The following GJC1 variants were observed in gnomAD, a reference collection of about 807,000 sequenced individuals.
The protein encoded by GJC1 is gap junction gamma-1 protein.
In GJC1, 5 loss-of-function variants were observed where a neutral mutation model predicts 29.3. The ratio of observed to expected loss-of-function variants is 0.17; its 90% confidence interval spans 0.09 to 0.36. The LOEUF (loss-of-function observed/expected upper bound fraction) is 0.36, where lower values mean the gene tolerates loss of function less well. Ranked by LOEUF, GJC1 falls within the 10% of genes least tolerant of loss-of-function variation. The probability of loss-of-function intolerance (pLI) is 1.00; values close to 1 mark genes in which losing one functional copy is unlikely to be tolerated. For missense variants in GJC1, 310 were observed against 496.2 expected (o/e 0.62, Z 3.56); for synonymous variants, 177 against 183.3 (o/e 0.97, Z 0.28).
chr17:44,831,013 A>G (rs2050226407), upstream of GJC1, among the ~76,000 whole-genome samples: 1 of 152,232 alleles, frequency 6.6e-6, no homozygotes, highest in Non-Finnish European at 1.5e-5. Context: ...GACTTTGGGT[A>G]ATAAAGGAAG....
rs1178849891 is a variant in GJC1, at chr17:44,802,988, G to GGGA, written c.*1636_*1638dup. ...GCTGCACTCCAGCCTGGGTGAAAGA[G>GGGA]GGAGACCCTGTCTCAAAAAAAAATT... On this transcript the variant is annotated 3_prime_UTR_variant, in exon 3 of 3. Coordinates refer to ENST00000592524, the MANE Select transcript of GJC1 (RefSeq NM_005497.4). 7 of 152,180 alleles carry GGGA rather than the reference G, an allele frequency of 4.6e-5. No homozygotes were observed. Among genetic ancestry groups the GGGA allele is most frequent in the African/African-American group, 1.7e-4 (7 of 41,430 alleles). The allele number at this position is 152,180 out of a possible 1,614,324, so 9.4% of individuals were successfully genotyped here.
chr17:44,802,500 CATTTG>C lies in GJC1; in HGVS notation c.*2122_*2126del, dbSNP rs1351495453. The stretch of plus-strand genomic sequence containing the variant: ...GAATTATATGAATTTCCTTATTAAA[CATTTG>C]ATTTGAAGGAAACTGTGCATGTCTA... On this transcript the variant is annotated 3_prime_UTR_variant, in exon 3 of 3. Transcript: ENST00000592524. 6.6e-6 allele frequency: 1 copy of C among 152,236 alleles called. No homozygotes were observed. Among genetic ancestry groups the C allele is most frequent in the Non-Finnish European group, 1.5e-5 (1 of 68,012 alleles). 9.4% of individuals were successfully genotyped at this position (152,236 alleles called of 1,614,324 possible). A position where few individuals can be genotyped will look rare whatever the true frequency, so the allele number is the denominator to read the frequency against.
Position 44,830,158 on chromosome 17 carries a change from C to G in GJC1, c.-193G>C, listed in dbSNP as rs1453676299. The G allele has an allele frequency of 6.5e-6, 1 of 153,420 alleles. No individual in the cohort carries two copies. The highest frequency in any genetic ancestry group is 1.5e-5 in the Non-Finnish European group (1 of 68,552). The allele number at this position is 153,420 out of a possible 1,614,324, so 9.5% of individuals were successfully genotyped here. A position where few individuals can be genotyped will look rare whatever the true frequency, so the allele number is the denominator to read the frequency against. Reference sequence around the variant, plus strand: ...TGCCCCGCGTCGCCATCGCCTTCACCCTCGCCTCTCCTCCACCTCCTCCGC... The same window carrying G: ...TGCCCCGCGTCGCCATCGCCTTCACGCTCGCCTCTCCTCCACCTCCTCCGC... On this transcript the variant is annotated 5_prime_UTR_variant, in exon 1 of 3. Coordinates refer to ENST00000592524, the MANE Select transcript of GJC1 (RefSeq NM_005497.4). This position sits in a 1 kb window ranked among gnomAD's most constrained non-coding sequence, Gnocchi z 4.3.
At chr17:44,795,064 C>T (rs1386670933), downstream of GJC1, 1 of 152,124 alleles carries the variant, frequency 6.6e-6, no homozygotes, top group Non-Finnish European at 1.5e-5. Context: ...CTGGTGCTTC[C>T]CAATCCTGAG....
rs1173462330 is a variant in GJC1, at chr17:44,799,634, A to G, written c.*4993T>C. 1 of 152,280 alleles carries G rather than the reference A, an allele frequency of 6.6e-6. No individual in the cohort carries two copies. The highest frequency in any genetic ancestry group is 1.5e-5 in the Non-Finnish European group (1 of 68,052). 9.4% of individuals were successfully genotyped at this position (152,280 alleles called of 1,614,324 possible). ...AACCCACTTAATATCATTATTAAAA[A>G]CAGGCTGGGCACAGTGGCTTATGCC... On this transcript the variant is annotated 3_prime_UTR_variant, in exon 3 of 3. Transcript: ENST00000592524.
Position 44,798,547 on chromosome 17 carries a change from G to A in GJC1, c.*6080C>T, listed in dbSNP as rs2049801613. On this transcript the variant is annotated 3_prime_UTR_variant, in exon 3 of 3. Coordinates refer to ENST00000592524, the MANE Select transcript of GJC1 (RefSeq NM_005497.4). ...CCACCATGAAAATATTACATAAGCTGTACAGAACAAAATTAGCAATGAGTG... is the reference window on the plus strand; with the variant it reads ...CCACCATGAAAATATTACATAAGCTATACAGAACAAAATTAGCAATGAGTG... 6.6e-6 allele frequency: 1 copy of A among 152,202 alleles called. No homozygotes were observed. The highest frequency in any genetic ancestry group is 1.5e-5 in the Non-Finnish European group (1 of 68,042). The allele number at this position is 152,202 out of a possible 1,614,324, so 9.4% of individuals were successfully genotyped here.
chr17:44,809,781 G>A (rs1261151131), intron 1 of GJC1, among the ~76,000 whole-genome samples: 1 of 151,836 alleles, frequency 6.6e-6, no homozygotes, highest in Non-Finnish European at 1.5e-5. Context: ...TGTTGAGGCT[G>A]GTCTTGAACT....
intron 1 of GJC1, among the ~76,000 whole-genome samples, chr17:44,823,172 G>A (rs1000564811): frequency 2.0e-5 from 3 of 151,812 alleles, no homozygotes; most frequent in Admixed American, 6.6e-5. Context: ...TAAGAATAGG[G>A]GTGTGTGAAG....
chr17:44,800,000 A>T lies in GJC1; in HGVS notation c.*4627T>A, dbSNP rs1397601411. On this transcript the variant is annotated 3_prime_UTR_variant, in exon 3 of 3. Coordinates refer to ENST00000592524, the MANE Select transcript of GJC1 (RefSeq NM_005497.4). ...ACTTCATGATGTGGCCGGAATGAGT[A>T]CAAGTATGCAATTCAATGATTCCAA... 1 of 152,268 alleles carries T rather than the reference A, an allele frequency of 6.6e-6. No homozygotes were observed. The highest frequency in any genetic ancestry group is 1.5e-5 in the Non-Finnish European group (1 of 68,050). 9.4% of individuals were successfully genotyped at this position (152,268 alleles called of 1,614,324 possible).
chr17:44,819,167 G>C (rs886249046), intron 1 of GJC1, among the ~76,000 whole-genome samples: 1 of 151,932 alleles, frequency 6.6e-6, no homozygotes, highest in Non-Finnish European at 1.5e-5. Flanking sequence ...TTGTAAAACT[G>C]AAACTCTAGA....
At position 44,805,416 on chromosome 17, in the gene GJC1, G is replaced by T. The variant is rs767121932; in HGVS notation, c.402C>A (p.Asn134Lys). Residue 134 changes from asparagine (N) to lysine (K), a missense_variant, in exon 3 of 3, where the codon AAC (asparagine) becomes AAA (lysine). This residue lies in a region of GJC1 where 82 missense variants were observed against 100.7 expected (regional missense o/e 0.81). Transcript: ENST00000592524. This position sits in a 1 kb window ranked among gnomAD's most constrained non-coding sequence, Gnocchi z 5.1. Reference protein sequence around the residue: ...HRALEETEEDNEEDPMMYPEM... With the variant: ...HRALEETEEDKEEDPMMYPEM... ...CTGGATACATCATAGGATCCTCTTCGTTGTCCTCCTCCGTTTCTTCCAGAG... is the reference window on the plus strand; with the variant it reads ...CTGGATACATCATAGGATCCTCTTCTTTGTCCTCCTCCGTTTCTTCCAGAG... The T allele has an allele frequency of 6.2e-7, 1 of 1,614,082 alleles. No homozygotes were observed. Among genetic ancestry groups the T allele is most frequent in the South Asian group, 1.1e-5 (1 of 91,084 alleles).
At chr17:44,824,152 C>A (rs987193987) in intron 1 of GJC1, among the ~76,000 whole-genome samples, 1 of 151,736 alleles carries the variant, frequency 6.6e-6, no homozygotes, top group Non-Finnish European at 1.5e-5. Flanking sequence ...GGATTACAGG[C>A]GCGCGCCACC....
chr17:44,806,669 G>T (rs1440234273), intron 2 of GJC1, among the ~76,000 whole-genome samples: 1 of 152,000 alleles, frequency 6.6e-6, no homozygotes, highest in Non-Finnish European at 1.5e-5. Flanking sequence ...GATTACAGGC[G>T]TGAACCACCA....
rs1035077244 is a variant in GJC1, at chr17:44,803,978, A to G, written c.*649T>C. 6 of 152,314 alleles carry G rather than the reference A, an allele frequency of 3.9e-5. No homozygotes were observed. The highest frequency in any genetic ancestry group is 1.3e-4 in the Admixed American group (2 of 15,286). The allele number at this position is 152,314 out of a possible 1,614,324, so 9.4% of individuals were successfully genotyped here. ...AATAAGGTTTTCAAAAATTGGCTAC[A>G]ACTCTGATCGCATGAATGAGATTCA... On this transcript the variant is annotated 3_prime_UTR_variant, in exon 3 of 3. Transcript: ENST00000592524.
intron 1 of GJC1, among the ~76,000 whole-genome samples, chr17:44,810,274 G>A (rs1036888791): frequency 4.4e-4 from 67 of 152,316 alleles, no homozygotes; most frequent in African/African-American, 1.6e-3. Context: ...TGGGATTACA[G>A]GCATGAGCCA....
At chr17:44,826,628 T>C (rs2050180096) in intron 1 of GJC1, among the ~76,000 whole-genome samples, 2 of 152,090 alleles carry the variant, frequency 1.3e-5, no homozygotes. Flanking sequence ...GTCTGAAAGA[T>C]AAACCTTTAT....
chr17:44,827,173 G>A (rs2050185218), intron 1 of GJC1, among the ~76,000 whole-genome samples: 1 of 152,086 alleles, frequency 6.6e-6, no homozygotes, highest in Admixed American at 6.6e-5. Context: ...AGCTGGGCAT[G>A]GTGGGGCATT....
intron 1 of GJC1, among the ~76,000 whole-genome samples, chr17:44,829,295 C>A (rs1183389032): frequency 6.6e-6 from 1 of 152,092 alleles, no homozygotes; most frequent in Admixed American, 6.6e-5. Flanking sequence ...GAGCTCCAAA[C>A]GCAGCCGCCA....
intron 1 of GJC1, among the ~76,000 whole-genome samples, chr17:44,826,978 A>C (rs1183698750): frequency 1.3e-5 from 2 of 152,178 alleles, no homozygotes; most frequent in Non-Finnish European, 2.9e-5. Context: ...GCCAAAATCT[A>C]TCTTCTCATA....
Sources: allele counts gnomAD v4.1 joint callset (sites outside exome capture counted in the v4.1 genomes callset), GRCh38; gene constraint gnomAD v4.1.1; regional missense constraint gnomAD v4.1.1; non-coding constraint Gnocchi (gnomAD v3.1); transcripts MANE v1.5; gene names NCBI Gene and HGNC (gene_info 2026-07-23, HGNC 2026-07-21).